Variants in MAGI2 observed in about 807,000 individuals in gnomAD.
MAGI2 encodes the protein membrane-associated guanylate kinase, WW and PDZ domain-containing protein 2.
Under a neutral mutation model 133.3 loss-of-function variants are expected in MAGI2, and 35 were observed. The observed-to-expected ratio is 0.26, with a 90% CI of 0.20 to 0.35. MAGI2 has a LOEUF of 0.35. MAGI2 is among the 10% of genes least tolerant of loss of function. The probability of loss-of-function intolerance (pLI) is 1.00; values close to 1 mark genes in which losing one functional copy is unlikely to be tolerated. For synonymous variants in MAGI2, 729 were observed against 710.6 expected (o/e 1.03, Z -0.41); for missense variants, 1,636 against 1,863.4 (o/e 0.88, Z 2.25).
intron 21 of MAGI2, among the ~76,000 whole-genome samples, chr7:78,027,610 A>G (rs1010066693): frequency 6.7e-6 from 1 of 149,084 alleles, no homozygotes; most frequent in Non-Finnish European, 1.5e-5. Flanking sequence ...CCTGGGCGAC[A>G]GAGTGAGACT....
intron 2 of MAGI2, among the ~76,000 whole-genome samples, chr7:78,763,117 G>A (rs1824679560): frequency 6.6e-6 from 1 of 152,044 alleles, no homozygotes; most frequent in Non-Finnish European, 1.5e-5. Flanking sequence ...CAGGTTCAGG[G>A]GATATGTACT....
chr7:78,239,468 T>C (rs12216587), intron 10 of MAGI2, among the ~76,000 whole-genome samples: 44,428 of 151,986 alleles, frequency 0.29, 7,565 homozygotes, highest in Non-Finnish European at 0.37. Context: ...CACAATGAAG[T>C]GACAACATGA....
At chr7:78,136,426 CT>C (rs911759416) in intron 16 of MAGI2, among the ~76,000 whole-genome samples, 1 of 152,074 alleles carries the variant, frequency 6.6e-6, no homozygotes, top group Non-Finnish European at 1.5e-5. Flanking sequence ...GGCCTATTTT[CT>C]TTTTACTGTT....
chr7:79,180,217 TG>T (rs1826489205), intron 1 of MAGI2, among the ~76,000 whole-genome samples: 1 of 152,044 alleles, frequency 6.6e-6, no homozygotes, highest in African/African-American at 2.4e-5. Flanking sequence ...GATATCATCT[TG>T]CCCCATTTAG....
intron 1 of MAGI2, among the ~76,000 whole-genome samples, chr7:79,090,495 A>G (rs1427000111): frequency 6.6e-6 from 1 of 152,166 alleles, no homozygotes; most frequent in African/African-American, 2.4e-5. Context: ...AACATCCCAC[A>G]GAATATTAGC....
intron 18 of MAGI2, among the ~76,000 whole-genome samples, chr7:78,129,909 T>G (rs1821382236): frequency 8.7e-6 from 1 of 115,564 alleles, no homozygotes; most frequent in African/African-American, 3.5e-5. Context: ...CACTCCAGCC[T>G]GGGCAACAAG....
At chr7:79,168,889 GATATATATATATATATATATATATATAT>G (rs1182056135) in intron 1 of MAGI2, among the ~76,000 whole-genome samples, 14 of 14,634 alleles carry the variant, frequency 9.6e-4, no homozygotes, top group East Asian at 1.7e-3. Context: ...TCTAAAGATA[GATATATATATATATATATATATATATAT>G]ATATATATAT....
At chr7:78,061,092 A>T (rs1813192091) in intron 21 of MAGI2, among the ~76,000 whole-genome samples, 1 of 151,090 alleles carries the variant, frequency 6.6e-6, no homozygotes, top group African/African-American at 2.4e-5. Context: ...TGAACCCAGA[A>T]GGCAGAGATT....
chr7:78,751,419 C>T (rs774612975), intron 2 of MAGI2, among the ~76,000 whole-genome samples: 1 of 152,200 alleles, frequency 6.6e-6, no homozygotes, highest in African/African-American at 2.4e-5. Flanking sequence ...GACTCACGCT[C>T]AGCAAAAGGA....
At chr7:78,306,551 G>T (rs2151085437) in intron 9 of MAGI2, among the ~76,000 whole-genome samples, 1 of 152,254 alleles carries the variant, frequency 6.6e-6, no homozygotes, top group Middle Eastern at 3.4e-3. Context: ...AAGACAAGCT[G>T]CCAGATATTA....
intron 2 of MAGI2, among the ~76,000 whole-genome samples, chr7:78,643,818 G>A (rs1810551324): frequency 6.6e-6 from 1 of 151,762 alleles, no homozygotes; most frequent in Non-Finnish European, 1.5e-5. Flanking sequence ...ACGGCTGACT[G>A]GGATAAGTTA....
chr7:78,478,179 G>A (rs926496311), intron 6 of MAGI2, among the ~76,000 whole-genome samples: 3 of 151,518 alleles, frequency 2.0e-5, no homozygotes, highest in Non-Finnish European at 2.9e-5. Flanking sequence ...TTTGGTATGC[G>A]GAAAACCAAA....
intron 2 of MAGI2, among the ~76,000 whole-genome samples, chr7:78,733,731 A>C (rs1646641999): frequency 6.6e-6 from 1 of 152,184 alleles, no homozygotes. Context: ...ATATTGTGTT[A>C]TAATGTCAAG....
chr7:78,552,076 A>G (rs1799379019), intron 3 of MAGI2, among the ~76,000 whole-genome samples: 1 of 151,984 alleles, frequency 6.6e-6, no homozygotes, highest in South Asian at 2.1e-4. Context: ...ATAAAAGGTC[A>G]ATATACTTTC....
chr7:78,105,538 C>T (rs1818596327), intron 20 of MAGI2, among the ~76,000 whole-genome samples: 1 of 152,062 alleles, frequency 6.6e-6, no homozygotes, highest in Non-Finnish European at 1.5e-5. Context: ...ATATACATTT[C>T]TATTATTATG....
rs556709337 is a variant in MAGI2 at position 79,214,060 on chromosome 7, T to A, written c.302-206854A>T. On this transcript the variant is annotated intron_variant, in intron 1 of 21. Transcript: ENST00000354212. ...ATTTTCGCATGCAAAACAGTACAATTAAAGCTAGTCTTGCAGTTCAAACTC... is the reference window on the plus strand; with the variant it reads ...ATTTTCGCATGCAAAACAGTACAATAAAAGCTAGTCTTGCAGTTCAAACTC... Among the ~76,000 whole-genome samples, 6 of 151,910 alleles carry A rather than the reference T, an allele frequency of 3.9e-5. No individual in the cohort carries two copies. The South Asian group carries it at 1.2e-3, about 32-fold the overall frequency.
chr7:78,179,502 C>G (rs566018423), intron 13 of MAGI2, among the ~76,000 whole-genome samples: 3 of 152,314 alleles, frequency 2.0e-5, no homozygotes, highest in African/African-American at 7.2e-5. Flanking sequence ...AGGCATCATT[C>G]ACTTCTGAGA....
intron 2 of MAGI2, among the ~76,000 whole-genome samples, chr7:78,633,471 C>T (rs1443905550): frequency 2.0e-5 from 3 of 151,750 alleles, no homozygotes; most frequent in African/African-American, 7.3e-5. Flanking sequence ...TTTGGGAGGC[C>T]GAGGCGGGTG....
chr7:78,844,751 C>A (rs1282806024), intron 2 of MAGI2, among the ~76,000 whole-genome samples: 1 of 151,544 alleles, frequency 6.6e-6, no homozygotes. Context: ...TACAACACTG[C>A]AAATATAGTA....
Sources: gnomAD v4.1 joint callset for allele counts (sites outside exome capture counted in the v4.1 genomes callset) on GRCh38, gnomAD v4.1.1 for gene constraint, MANE v1.5 for transcripts, NCBI Gene and HGNC (gene_info 2026-07-23, HGNC 2026-07-21) for gene names.